The following PIGN variants were observed in gnomAD, a reference collection of about 807,000 sequenced individuals.
PIGN encodes the protein GPI ethanolamine phosphate transferase 1.
Under a neutral mutation model 125.4 loss-of-function variants are expected in PIGN, and 117 were observed. That is an observed-to-expected ratio of 0.93 (90% CI 0.80 to 1.09). PIGN has a LOEUF of 1.09. Ranked by LOEUF, PIGN falls within the 50% of genes least tolerant of loss-of-function variation. PIGN has a pLI of 0.00. For missense variants in PIGN, 1,075 were observed against 1,094.9 expected (o/e 0.98, Z 0.26); for synonymous variants, 392 against 377.8 (o/e 1.04, Z -0.44).
intron 14 of PIGN, among the ~76,000 whole-genome samples, chr18:62,132,036 A>G (rs1203833424): frequency 2.0e-5 from 3 of 152,180 alleles, no homozygotes; most frequent in Non-Finnish European, 2.9e-5. Flanking sequence ...ATACAAAAGG[A>G]AAGACTTTAT....
chr18:62,122,355 T>C (rs2035340030), intron 14 of PIGN, among the ~76,000 whole-genome samples: 1 of 152,182 alleles, frequency 6.6e-6, no homozygotes, highest in Non-Finnish European at 1.5e-5. Context: ...AGATTACTCA[T>C]ATAAGCTAAA....
intron 28 of PIGN, among the ~76,000 whole-genome samples, chr18:62,078,147 T>A (rs377206305): frequency 6.6e-6 from 1 of 152,158 alleles, no homozygotes; most frequent in African/African-American, 2.4e-5. Context: ...AGCCCCTAAC[T>A]GGGTGTGAAA....
chr18:62,061,339 G>C (rs1051028462), intron 30 of PIGN, among the ~76,000 whole-genome samples: 1 of 151,472 alleles, frequency 6.6e-6, no homozygotes. Context: ...ATACATGCCA[G>C]ACTACATTCA....
rs188935126 is a variant in PIGN, at chr18:62,020,648, G to C, written c.2143-2907C>G. On this transcript the variant is annotated intron_variant, in intron 23 of 24. Coordinates refer to the PIGN transcript ENST00000639600. ...GATACTCCTACCTACCCATTAGAAT[G>C]GTTAAAATTTTTAAAGACTGGCCGG... Among the ~76,000 whole-genome samples, 565 of 152,044 alleles carry C rather than the reference G, an allele frequency of 3.7e-3. 1 individual carries two copies. The highest frequency in any genetic ancestry group is 5.4e-3 in the Non-Finnish European group (370 of 67,962).
intron 24 of PIGN, among the ~76,000 whole-genome samples, chr18:62,089,781 G>C (rs928605746): frequency 2.0e-5 from 3 of 152,028 alleles, no homozygotes; most frequent in Admixed American, 6.6e-5. Flanking sequence ...AACTATGAAA[G>C]TATTTTCTGT....
At chr18:62,083,796 T>C (rs1185305847) in intron 27 of PIGN, among the ~76,000 whole-genome samples, 1 of 152,218 alleles carries the variant, frequency 6.6e-6, no homozygotes, top group Admixed American at 6.5e-5. Context: ...TTTTAACACT[T>C]CTTAAACTTC....
chr18:62,073,994 G>C (rs1225489470), intron 29 of PIGN, among the ~76,000 whole-genome samples: 1 of 152,212 alleles, frequency 6.6e-6, no homozygotes, highest in Non-Finnish European at 1.5e-5. Context: ...GGTCAGCCAG[G>C]TAGGCAGTAT....
chr18:62,078,353 T>C (rs142101383), intron 28 of PIGN, among the ~76,000 whole-genome samples: 33 of 152,366 alleles, frequency 2.2e-4, no homozygotes, highest in African/African-American at 7.2e-4. Flanking sequence ...TCTTGAACCA[T>C]TCTGTGGAAA....
At chr18:62,060,949 T>C (rs2032085501) in intron 30 of PIGN, among the ~76,000 whole-genome samples, 1 of 152,148 alleles carries the variant, frequency 6.6e-6, no homozygotes, top group Non-Finnish European at 1.5e-5. Context: ...AAGAAGAAAA[T>C]ACTAAATTAG....
intron 14 of PIGN, among the ~76,000 whole-genome samples, chr18:62,131,410 A>T (rs910009042): frequency 2.0e-5 from 3 of 151,742 alleles, no homozygotes; most frequent in Admixed American, 6.6e-5. Flanking sequence ...GTCTTACTCC[A>T]GCCTCTAAAG....
rs181440509 is a variant in PIGN at position 62,042,327 on chromosome 18, A to G, written c.*3529T>C. On this transcript the variant is annotated 3_prime_UTR_variant, in exon 31 of 31. Transcript: ENST00000640252. ...GAGAGCCAGAGTCTGTCTTGAAAAA[A>G]AAAGAAAGAAAGAAAAAAGAAACTA... The G allele has an allele frequency of 1.3e-5, 2 of 152,200 alleles. No individual in the cohort carries two copies. The highest frequency in any genetic ancestry group is 4.8e-5 in the African/African-American group (2 of 41,442). 9.4% of individuals were successfully genotyped at this position (152,200 alleles called of 1,614,324 possible).
chr18:62,104,648 T>C (rs1382681068), intron 20 of PIGN, among the ~76,000 whole-genome samples: 1 of 152,144 alleles, frequency 6.6e-6, no homozygotes, highest in Non-Finnish European at 1.5e-5. Context: ...CTCATACAAA[T>C]AGGAGAAAAT....
chr18:62,098,601 A>T (rs1172203576), intron 22 of PIGN, among the ~76,000 whole-genome samples: 1 of 152,298 alleles, frequency 6.6e-6, no homozygotes, highest in East Asian at 1.9e-4. Flanking sequence ...TTCAAAATAT[A>T]CCATCCATTT....
At chr18:62,113,059 T>C in intron 16 of PIGN, 75 bp downstream of exon 16, 1 of 1,130,546 alleles carries the variant, frequency 8.8e-7, no homozygotes. Flanking sequence ...TTGCACATCC[T>C]ATAAACTCAT....
At chr18:62,071,929 C>T (rs1400967316) in intron 30 of PIGN, among the ~76,000 whole-genome samples, 1 of 119,168 alleles carries the variant, frequency 8.4e-6, no homozygotes, top group African/African-American at 3.2e-5. Context: ...TGTAAAATAT[C>T]CTCAGGCAGG....
intron 23 of PIGN, among the ~76,000 whole-genome samples, chr18:62,094,040 T>C (rs1455469924): frequency 6.6e-6 from 1 of 152,158 alleles, no homozygotes; most frequent in East Asian, 1.9e-4. Context: ...ATTTTCACTT[T>C]TTAGATTTTC....
chr18:62,050,323 T>C (rs1469135023), intron 30 of PIGN, among the ~76,000 whole-genome samples: 2 of 151,586 alleles, frequency 1.3e-5, no homozygotes, highest in East Asian at 1.9e-4. Context: ...TGATTCTTCC[T>C]ACCCATGAGC....
chr18:62,123,647 G>A (rs1459570956), intron 14 of PIGN: 1 of 152,090 alleles, frequency 6.6e-6, no homozygotes, highest in Non-Finnish European at 1.5e-5. Context: ...AAGATAATAA[G>A]AGTCTGATAC....
intron 1 of PIGN, among the ~76,000 whole-genome samples, chr18:62,174,849 A>G (rs1157997047): frequency 2.0e-5 from 3 of 151,256 alleles, no homozygotes; most frequent in Non-Finnish European, 4.4e-5. Flanking sequence ...TTCCTATAAA[A>G]ATCATGGCTA....
Sources: gnomAD v4.1 joint callset for allele counts (sites outside exome capture counted in the v4.1 genomes callset) on GRCh38, gnomAD v4.1.1 for gene constraint, MANE v1.5 for transcripts, NCBI Gene and HGNC (gene_info 2026-07-23, HGNC 2026-07-21) for gene names.